Variants in RBM33 observed in about 807,000 individuals in gnomAD.
RBM33 encodes RNA-binding protein 33.
RBM33 carries 28 observed loss-of-function variants against 132.6 expected under a neutral mutation model. The ratio of observed to expected loss-of-function variants is 0.21; its 90% CI spans 0.16 to 0.29. RBM33 has a LOEUF of 0.29. RBM33 is among the 10% of genes least tolerant of loss of function. The pLI, the probability that RBM33 is intolerant of heterozygous loss-of-function variation, is 1.00. For synonymous variants in RBM33, 634 were observed against 593.0 expected (o/e 1.07, Z -1.01); for missense variants, 1,291 against 1,518.5 (o/e 0.85, Z 2.49).
chr7:155,660,312 C>T (rs575540286), intron 1 of RBM33, among the ~76,000 whole-genome samples: 2 of 152,288 alleles, frequency 1.3e-5, no homozygotes, highest in South Asian at 2.1e-4. Flanking sequence ...TGGCCTCAAG[C>T]GACTACCTTG....
At chr7:155,647,192 A>C (rs1397961620) in intron 1 of RBM33, among the ~76,000 whole-genome samples, 1 of 152,256 alleles carries the variant, frequency 6.6e-6, no homozygotes, top group African/African-American at 2.4e-5. Context: ...AATTTCATGA[A>C]CAATACTGGT....
intron 1 of RBM33, among the ~76,000 whole-genome samples, chr7:155,649,452 A>G (rs1798295220): frequency 6.6e-6 from 1 of 152,242 alleles, no homozygotes; most frequent in Admixed American, 6.5e-5. Context: ...CTGAAAAAAT[A>G]TAATTGTATC....
intron 9 of RBM33, among the ~76,000 whole-genome samples, chr7:155,731,528 G>A (rs919753022): frequency 1.3e-5 from 2 of 152,126 alleles, no homozygotes; most frequent in Admixed American, 1.3e-4. Flanking sequence ...TAACCAAGAC[G>A]TTGACCAAGT....
At chr7:155,758,753 A>G (rs1801933582) in intron 14 of RBM33, among the ~76,000 whole-genome samples, 1 of 152,122 alleles carries the variant, frequency 6.6e-6, no homozygotes, top group African/African-American at 2.4e-5. Flanking sequence ...CGGCATCACA[A>G]GACTCTGAAG....
In RBM33 at chr7:155,673,945, T is replaced by TTTTG. The variant is rs1563138324; in HGVS notation, c.171+1033_171+1034insGTTT. ...ATCAAGATAGTTTAGGCTTAGTTTTTTTTTTTTTTTTTTTTTTTTTTTTTT... is the reference window on the plus strand; with the variant it reads ...ATCAAGATAGTTTAGGCTTAGTTTTTTTTGTTTTTTTTTTTTTTTTTTTTTTTTT... On this transcript the variant is annotated intron_variant, in intron 3 of 17. Coordinates refer to ENST00000401878, the MANE Select transcript of RBM33 (RefSeq NM_053043.3). Among the ~76,000 whole-genome samples the TTTTG allele has an allele frequency of 3.0e-3, 263 of 88,478 alleles. 17 individuals are homozygous for TTTTG. The highest frequency in any genetic ancestry group is 0.013 in the African/African-American group (246 of 19,102). The allele number at this position is 88,478 out of a possible 152,430, so 58.0% of individuals were successfully genotyped here.
At chr7:155,684,677 C>T (rs552369465) in intron 5 of RBM33, among the ~76,000 whole-genome samples, 13 of 152,256 alleles carry the variant, frequency 8.5e-5, no homozygotes, top group African/African-American at 3.1e-4. Context: ...AGCTGTGTGA[C>T]AGGGCACTTG....
intron 5 of RBM33, among the ~76,000 whole-genome samples, chr7:155,688,389 G>A (rs1175434524): frequency 6.6e-6 from 1 of 152,076 alleles, no homozygotes; most frequent in Non-Finnish European, 1.5e-5. Context: ...GAGACGATGG[G>A]GTTTTCTAAA....
intron 7 of RBM33, among the ~76,000 whole-genome samples, chr7:155,710,754 T>A (rs950242432): frequency 2.6e-5 from 4 of 151,708 alleles, no homozygotes. Flanking sequence ...AGGCCTCAGT[T>A]CTGGAGCAGG....
intron 8 of RBM33, among the ~76,000 whole-genome samples, chr7:155,717,124 CTTAAA>C (rs1052614958): frequency 6.6e-6 from 1 of 152,198 alleles, no homozygotes; most frequent in African/African-American, 2.4e-5. Flanking sequence ...GCAGAAACTT[CTTAAA>C]TTAAAAAATA....
In RBM33 at chr7:155,745,539, C is replaced by T. The variant is rs1563173292; in HGVS notation, c.2916C>T (p.Asn972=). ...AAAGGACTGTCACGCACAGGACAAA[C>T]AGTGGTGGTGGAGACGGGCCCCACA... is the stretch of plus-strand genomic sequence containing the variant. ...GVKRTVTHRT[N]SGGGDGPHIS... is the part of the protein sequence containing the mutation. The change falls in exon 14 of 18, where the codon AAC becomes AAT. Residue 972 remains asparagine, a synonymous_variant. Transcript: ENST00000401878. This position sits in a 1 kb window ranked among gnomAD's most constrained non-coding sequence, Gnocchi z 4.1. 11 of 1,611,760 alleles carry T rather than the reference C, an allele frequency of 6.8e-6. 1 individual carries two copies. The highest frequency in any genetic ancestry group is 2.2e-5 in the South Asian group (2 of 90,512).
intron 3 of RBM33, among the ~76,000 whole-genome samples, chr7:155,678,022 C>T (rs1437935119): frequency 2.0e-5 from 3 of 152,182 alleles, no homozygotes; most frequent in Non-Finnish European, 2.9e-5. Flanking sequence ...AAACCTGGAA[C>T]TCTTGACAGA....
rs780064963 is a variant in RBM33 at position 155,711,375 on chromosome 7, C to T, written c.1121C>T (p.Pro374Leu). The change falls in exon 8 of 18, where the codon CCG (proline) becomes CTG (leucine). Residue 374 changes from proline (P) to leucine (L), a missense_variant. Coordinates refer to ENST00000401878, the MANE Select transcript of RBM33 (RefSeq NM_053043.3). Reference sequence around the variant, plus strand: ...GAGACCCCAAGGATGATGATGACCCCGCCACCCGTGACTCCACAGCAGCCC... The same window carrying T: ...GAGACCCCAAGGATGATGATGACCCTGCCACCCGTGACTCCACAGCAGCCC... ...QLETPRMMMTPPPVTPQQPKN... is the reference protein window; with the variant it reads ...QLETPRMMMTLPPVTPQQPKN... 3.5e-5 allele frequency: 56 copies of T among 1,585,906 alleles called. No homozygotes were observed. Among genetic ancestry groups the T allele is most frequent in the African/African-American group, 6.8e-5 (5 of 73,386 alleles).
intron 3 of RBM33, among the ~76,000 whole-genome samples, chr7:155,677,845 C>CT (rs1022403134): frequency 1.3e-5 from 2 of 152,152 alleles, no homozygotes; most frequent in African/African-American, 4.8e-5. Flanking sequence ...GTGTGTGTGG[C>CT]TTTGACTGGC....
In RBM33 at chr7:155,684,984, G is replaced by A. The variant is rs923033066; in HGVS notation, c.567+4076G>A. The A allele has an allele frequency of 1.9e-6, 3 of 1,550,440 alleles. No homozygotes were observed. In the African/African-American group the frequency reaches 4.1e-5, roughly 21 times the overall value. On this transcript the variant is annotated intron_variant, in intron 5 of 17. Coordinates refer to ENST00000401878, the MANE Select transcript of RBM33 (RefSeq NM_053043.3). ...TGGGCAACAAGGGCTGCAAGAGCAGGAAGACTGTGTGGCTGAAGATGAATT... is the reference window on the plus strand; with the variant it reads ...TGGGCAACAAGGGCTGCAAGAGCAGAAAGACTGTGTGGCTGAAGATGAATT...
At chr7:155,727,227 G>A (rs999028824) in intron 9 of RBM33, among the ~76,000 whole-genome samples, 3 of 152,224 alleles carry the variant, frequency 2.0e-5, no homozygotes, top group African/African-American at 7.2e-5. Flanking sequence ...GGCAAGGGCA[G>A]AAGGTGCAGG....
rs763062756 is a variant in RBM33 at position 155,763,949 on chromosome 7, G to A, written c.3117G>A (p.Ala1039=). The part of the protein sequence containing the change: ...GGLQQPPHLP[A]GPHAHSPVPP... ...TCCAGCAGCCCCCACATCTGCCAGC[G>A]GGGCCCCACGCACACTCGCCTGTCC... is the stretch of plus-strand genomic sequence containing the variant. The change falls in exon 15 of 18, where the codon GCG becomes GCA. Residue 1039 remains alanine, a synonymous_variant. Coordinates refer to ENST00000401878, the MANE Select transcript of RBM33 (RefSeq NM_053043.3). 1.3e-5 allele frequency: 21 copies of A among 1,599,134 alleles called. No individual in the cohort carries two copies. Among genetic ancestry groups the A allele is most frequent in the African/African-American group, 1.1e-4 (8 of 74,626 alleles).
chr7:155,744,908 T>G, intron 13 of RBM33, 53 bp from the exon 14 acceptor site: 1 of 1,477,186 alleles, frequency 6.8e-7, no homozygotes, highest in Non-Finnish European at 9.0e-7. Context: ...TGAAATAGAC[T>G]ATGGGCACCT....
chr7:155,673,945 T>TGTTTTTTTTTTTTTTG (rs1563138321), intron 3 of RBM33, among the ~76,000 whole-genome samples: 1 of 88,482 alleles, frequency 1.1e-5, no homozygotes, highest in Non-Finnish European at 2.2e-5. Context: ...GCTTAGTTTT[T>TGTTTTTTTTTTTTTTG]TTTTTTTTTT....
chr7:155,715,087 G>A (rs1433186812), intron 8 of RBM33, among the ~76,000 whole-genome samples: 2 of 152,054 alleles, frequency 1.3e-5, no homozygotes, highest in South Asian at 2.1e-4. Context: ...GGTTAGCATC[G>A]CTCATCCACA....
Sources: allele counts gnomAD v4.1 joint callset (sites outside exome capture counted in the v4.1 genomes callset), GRCh38; gene constraint gnomAD v4.1.1; non-coding constraint Gnocchi (gnomAD v3.1); transcripts MANE v1.5; gene names NCBI Gene and HGNC (gene_info 2026-07-23, HGNC 2026-07-21).